TRIM62: variants seen among roughly 807,000 people sequenced by gnomAD.
TRIM62 encodes E3 ubiquitin-protein ligase TRIM62.
A neutral mutation model predicts 44.2 loss-of-function variants in TRIM62; 39 were observed. That is an observed-to-expected ratio of 0.88 (90% CI 0.68 to 1.15). TRIM62 has a LOEUF of 1.15. TRIM62 is among the 50% of genes most tolerant of loss of function. TRIM62 has a pLI of 0.00. For synonymous variants in TRIM62, 278 were observed against 292.3 expected (o/e 0.95, Z 0.50); for missense variants, 544 against 665.5 (o/e 0.82, Z 2.01).
Position 33,146,047 on chromosome 1 carries a change from C to G in TRIM62, c.*1130G>C. 2.7e-6 allele frequency: 1 copy of G among 374,598 alleles called. No individual in the cohort carries two copies. Among genetic ancestry groups the G allele is most frequent in the South Asian group, 2.0e-5 (1 of 49,388 alleles). 23.2% of individuals were successfully genotyped at this position (374,598 alleles called of 1,614,324 possible). A position where few individuals can be genotyped will look rare whatever the true frequency, so the allele number is the denominator to read the frequency against. On this transcript the variant is annotated 3_prime_UTR_variant, in exon 5 of 5. Coordinates refer to ENST00000291416, the MANE Select transcript of TRIM62 (RefSeq NM_018207.3). ...GGGAGCCTAGTTCTGCAGTCAGCAG[C>G]TTTCTGGCATAGTGGCTTCCTGCAG... is the stretch of plus-strand genomic sequence containing the variant.
chr1:33,155,185 C>T (rs973116185), intron 4 of TRIM62, among the ~76,000 whole-genome samples: 5 of 151,346 alleles, frequency 3.3e-5, no homozygotes, highest in Non-Finnish European at 5.9e-5. Flanking sequence ...CATTCTCCCA[C>T]CTCAGCCTCC....
chr1:33,148,626 A>T (rs1272790636), intron 4 of TRIM62, among the ~76,000 whole-genome samples: 1 of 152,238 alleles, frequency 6.6e-6, no homozygotes, highest in African/African-American at 2.4e-5. Context: ...TTTATTATTA[A>T]TAATTTCCTT....
At position 33,176,901 on chromosome 1, in the gene TRIM62, G is replaced by A. The variant is rs150632477; in HGVS notation, c.408+4124C>T. Among the ~76,000 whole-genome samples, 279 of 152,324 alleles carry A rather than the reference G, an allele frequency of 1.8e-3. 3 individuals carry two copies. Among genetic ancestry groups the A allele is most frequent in the Non-Finnish European group, 2.8e-4 (19 of 68,030 alleles). ...AGAAAAGCCCTTAGTGCAGTCCCAG[G>A]CATTCAGACTGGGCTCGATGAATAT... On this transcript the variant is annotated intron_variant, in intron 1 of 4. Coordinates refer to ENST00000291416, the MANE Select transcript of TRIM62 (RefSeq NM_018207.3).
At position 33,168,736 on chromosome 1, in the gene TRIM62, T is replaced by G. The variant is rs1645350143; in HGVS notation, c.409-3170A>C. Reference sequence around the variant, plus strand: ...TTGCCTAAGAGAGTAGAAAGACCGCTCCTCAGGTGCCTCTGACAGCCTTGG... The same window carrying G: ...TTGCCTAAGAGAGTAGAAAGACCGCGCCTCAGGTGCCTCTGACAGCCTTGG... On this transcript the variant is annotated intron_variant, in intron 1 of 4. Coordinates refer to ENST00000291416, the MANE Select transcript of TRIM62 (RefSeq NM_018207.3). Among the ~76,000 whole-genome samples the G allele has an allele frequency of 2.0e-5, 3 of 152,176 alleles. No homozygotes were observed. In the South Asian group the frequency reaches 6.2e-4, roughly 32 times the overall value.
rs1213510790 is a variant in TRIM62, at chr1:33,177,638, C to T, written c.408+3387G>A. 6.6e-6 allele frequency among the ~76,000 whole-genome samples: 1 copy of T among 152,136 alleles called. No individual in the cohort carries two copies. Among genetic ancestry groups the T allele is most frequent in the Non-Finnish European group, 1.5e-5 (1 of 68,010 alleles). ...TGACTCTAGGAGACATTTGTCAATG[C>T]TTGGAGATGGTTTTGATTGTCACAA... On this transcript the variant is annotated intron_variant, in intron 1 of 4. Transcript: ENST00000291416. The surrounding 1 kb of genome is among the most constrained non-coding windows in gnomAD (Gnocchi z 4.1).
rs1424787307 is a variant in TRIM62, at chr1:33,161,456, C to G, written c.505-1512G>C. On this transcript the variant is annotated intron_variant, in intron 2 of 4. Transcript: ENST00000291416. The surrounding 1 kb of genome is among the most constrained non-coding windows in gnomAD (Gnocchi z 4.3). The stretch of plus-strand genomic sequence containing the variant: ...ACCCCACTGTGTTCAGTGCCCAGGG[C>G]TCTGTGGGAGGCTCTACAAAGGCTC... 2.0e-5 allele frequency among the ~76,000 whole-genome samples: 3 copies of G among 152,116 alleles called. No individual in the cohort carries two copies. The highest frequency in any genetic ancestry group is 4.4e-5 in the Non-Finnish European group (3 of 68,024).
intron 4 of TRIM62, 101 bp downstream of exon 4, chr1:33,158,152 C>T: frequency 9.4e-7 from 1 of 1,066,418 alleles, no homozygotes; most frequent in Non-Finnish European, 1.4e-6. Flanking sequence ...AGGCACTCTG[C>T]TCATTCACCC....
chr1:33,175,285 G>A (rs1356354966), intron 1 of TRIM62, among the ~76,000 whole-genome samples: 13 of 151,494 alleles, frequency 8.6e-5, no homozygotes, highest in Admixed American at 6.6e-4. Context: ...CAGGTGATCC[G>A]CCTGCCTTGG....
intron 2 of TRIM62, chr1:33,163,005 T>C (rs536366515): frequency 5.9e-5 from 9 of 152,230 alleles, no homozygotes; most frequent in African/African-American, 2.2e-4. Context: ...GGGACGATTT[T>C]TTTTCTTTCC....
chr1:33,172,045 G>A (rs768598605), intron 1 of TRIM62, among the ~76,000 whole-genome samples: 12 of 152,194 alleles, frequency 7.9e-5, no homozygotes, highest in Non-Finnish European at 1.2e-4. Flanking sequence ...GCCTCCCAAA[G>A]TGCTGTGATT....
intron 1 of TRIM62, among the ~76,000 whole-genome samples, chr1:33,172,906 G>A (rs1012147826): frequency 3.3e-5 from 5 of 152,160 alleles, no homozygotes; most frequent in East Asian, 1.9e-4. Context: ...GCTCACCTCC[G>A]CAAGCTTTCA....
At chr1:33,170,902 A>C (rs889056591) in intron 1 of TRIM62, among the ~76,000 whole-genome samples, 1 of 152,208 alleles carries the variant, frequency 6.6e-6, no homozygotes, top group Admixed American at 6.5e-5. Flanking sequence ...GTTCAGCCTC[A>C]CAGGGCACAG....
At chr1:33,148,014 G>A (rs1341677580) in intron 4 of TRIM62, among the ~76,000 whole-genome samples, 1 of 152,186 alleles carries the variant, frequency 6.6e-6, no homozygotes, top group Non-Finnish European at 1.5e-5. Context: ...ACTGGCAAAT[G>A]TTTGTTGAAT....
In TRIM62 at chr1:33,147,164, C is replaced by T. The variant is rs1354025570; in HGVS notation, c.*13G>A. On this transcript the variant is annotated 3_prime_UTR_variant, in exon 5 of 5. Transcript: ENST00000291416. This position sits in a 1 kb window ranked among gnomAD's most constrained non-coding sequence, Gnocchi z 8.1. Reference sequence around the variant, plus strand: ...CAGTGGTCCCAGGAGGTTGTGGTCTCCTTCTGCCTGGACTAGATGCGGACG... The same window carrying T: ...CAGTGGTCCCAGGAGGTTGTGGTCTTCTTCTGCCTGGACTAGATGCGGACG... 3 of 1,610,766 alleles carry T rather than the reference C, an allele frequency of 1.9e-6. No homozygotes were observed. The African/African-American group carries it at 4.0e-5, about 21-fold the overall frequency.
In TRIM62 at chr1:33,159,782, G is replaced by T. The variant is rs1273629908; in HGVS notation, c.667C>A (p.Arg223Ser). The T allele has an allele frequency of 6.2e-7, 1 of 1,613,658 alleles. No homozygotes were observed. The highest frequency in any genetic ancestry group is 8.5e-7 in the Non-Finnish European group (1 of 1,179,996). ...QKVQRYSQQL[R>S]KVQEGAQILQ... Reference sequence around the variant, plus strand: ...ATCTGGGCTCCCTCCTGGACCTTGCGCAGCTGCTGGCTGTAGCGCTGGACT... The same window carrying T: ...ATCTGGGCTCCCTCCTGGACCTTGCTCAGCTGCTGGCTGTAGCGCTGGACT... Residue 223 changes from arginine (R) to serine (S), a missense_variant, in exon 3 of 5, where the codon CGC (arginine) becomes AGC (serine). Coordinates refer to ENST00000291416, the MANE Select transcript of TRIM62 (RefSeq NM_018207.3). The surrounding 1 kb of genome is among the most constrained non-coding windows in gnomAD (Gnocchi z 4.2).
chr1:33,167,616 C>T lies in TRIM62; in HGVS notation c.409-2050G>A, dbSNP rs1165755303. On this transcript the variant is annotated intron_variant, in intron 1 of 4. Coordinates refer to ENST00000291416, the MANE Select transcript of TRIM62 (RefSeq NM_018207.3). This position sits in a 1 kb window ranked among gnomAD's most constrained non-coding sequence, Gnocchi z 4.2. ...AGATGGGACTCAATGACGCTTGCTG[C>T]GTGAATGAAGTTCCTGGAAATGGCC... is the stretch of plus-strand genomic sequence containing the variant. Among the ~76,000 whole-genome samples the T allele has an allele frequency of 2.6e-5, 4 of 152,182 alleles. No homozygotes were observed. The highest frequency in any genetic ancestry group is 4.8e-5 in the African/African-American group (2 of 41,420).
At position 33,181,301 on chromosome 1, in the gene TRIM62, C is replaced by G. The variant is rs753532083; in HGVS notation, c.132G>C (p.Ala44=). The change falls in exon 1 of 5, where the codon GCG becomes GCC. Residue 44 remains alanine, a synonymous_variant. Coordinates refer to ENST00000291416, the MANE Select transcript of TRIM62 (RefSeq NM_018207.3). The surrounding 1 kb of genome is among the most constrained non-coding windows in gnomAD (Gnocchi z 6.5). ...CITEHWVRQE[A]QGARDCPECR... is the part of the protein sequence containing the mutation. The stretch of plus-strand genomic sequence containing the variant: ...ACTCGGGGCAGTCGCGGGCGCCCTG[C>G]GCCTCCTGCCGCACCCAGTGCTCCG... The G allele has an allele frequency of 1.3e-6, 2 of 1,554,498 alleles. No homozygotes were observed. The highest frequency in any genetic ancestry group is 1.7e-6 in the Non-Finnish European group (2 of 1,155,294).
chr1:33,154,820 G>A (rs1304970919), intron 4 of TRIM62, among the ~76,000 whole-genome samples: 5 of 148,788 alleles, frequency 3.4e-5, no homozygotes, highest in African/African-American at 9.9e-5. Context: ...GTGGCCAGGC[G>A]CGGTGATTCA....
At chr1:33,158,199 G>T in intron 4 of TRIM62, 54 bp downstream of exon 4, 1 of 1,527,542 alleles carries the variant, frequency 6.5e-7, no homozygotes, top group Non-Finnish European at 9.1e-7. Flanking sequence ...AGGGGGCTGG[G>T]CTGTGCTGGG....
Sources: gnomAD v4.1 joint callset for allele counts (sites outside exome capture counted in the v4.1 genomes callset) on GRCh38, gnomAD v4.1.1 for gene constraint, Gnocchi (gnomAD v3.1) non-coding constraint, MANE v1.5 for transcripts, NCBI Gene and HGNC (gene_info 2026-07-23, HGNC 2026-07-21) for gene names.